Variants in NFXL1 observed in about 807,000 individuals in gnomAD.
NFXL1 encodes NF-X1-type zinc finger protein NFXL1.
NFXL1 carries 66 observed loss-of-function variants against 123.3 expected under a neutral mutation model. The ratio of observed to expected loss-of-function variants is 0.54; its 90% CI spans 0.44 to 0.66. NFXL1 has a LOEUF of 0.66. Among genes scored for constraint, NFXL1 ranks in the 30% least tolerant of loss-of-function variants. The probability of loss-of-function intolerance (pLI) is 0.00; values close to 1 mark genes in which losing one functional copy is unlikely to be tolerated. For missense variants in NFXL1, 944 were observed against 1,125.6 expected (o/e 0.84, Z 2.31); for synonymous variants, 346 against 360.8 (o/e 0.96, Z 0.46).
intron 14 of NFXL1, 82 bp from the exon 15 acceptor site, chr4:47,884,519 T>C: frequency 7.4e-6 from 6 of 808,796 alleles, no homozygotes; most frequent in South Asian, 1.6e-5. Flanking sequence ...AATAGTTCCA[T>C]GTATCCTCTG....
At chr4:47,895,574 A>C (rs1464644073) in intron 10 of NFXL1, among the ~76,000 whole-genome samples, 1 of 152,176 alleles carries the variant, frequency 6.6e-6, no homozygotes, top group Non-Finnish European at 1.5e-5. Flanking sequence ...CTAGTTTCAA[A>C]CTTTTCTTGT....
chr4:47,856,304 T>C (rs753876444), intron 19 of NFXL1, among the ~76,000 whole-genome samples: 24 of 152,182 alleles, frequency 1.6e-4, no homozygotes, highest in African/African-American at 5.1e-4. Flanking sequence ...TATTTAGTTA[T>C]TATAATAAAA....
At position 47,847,829 on chromosome 4, in the gene NFXL1, A is replaced by T. The variant is rs1733897566; in HGVS notation, c.*334T>A. On this transcript the variant is annotated 3_prime_UTR_variant, in exon 23 of 23. Transcript: ENST00000507489. ...TGCAGATATGGCTCAGTCTCATCTGAATTATTTTTTTAAAAGTGTTGGTTT... is the reference window on the plus strand; with the variant it reads ...TGCAGATATGGCTCAGTCTCATCTGTATTATTTTTTTAAAAGTGTTGGTTT... The T allele has an allele frequency of 1.2e-5, 2 of 169,628 alleles. No homozygotes were observed. The highest frequency in any genetic ancestry group is 4.7e-5 in the African/African-American group (2 of 42,230). 10.5% of individuals were successfully genotyped at this position (169,628 alleles called of 1,614,324 possible). A position where few individuals can be genotyped will look rare whatever the true frequency, so the allele number is the denominator to read the frequency against.
chr4:47,909,909 C>A (rs1737743329), intron 3 of NFXL1, among the ~76,000 whole-genome samples: 1 of 152,118 alleles, frequency 6.6e-6, no homozygotes, highest in Non-Finnish European at 1.5e-5. Context: ...GATCCCCCGG[C>A]CTCGGCCTCC....
In NFXL1 at chr4:47,885,816, A is replaced by T. The variant is rs191668206; in HGVS notation, c.1664+63T>A. ...ACTAAAGCAAAATTAAATTATTAAA[A>T]GCCAATATGAATTTAAATTTGTACA... is the stretch of plus-strand genomic sequence containing the variant. On this transcript the variant is annotated intron_variant, in intron 13 of 22. Transcript: ENST00000507489. 4.8e-5 allele frequency: 74 copies of T among 1,552,210 alleles called. No homozygotes were observed. The African/African-American group carries it at 8.8e-4, about 19-fold the overall frequency.
intron 22 of NFXL1, among the ~76,000 whole-genome samples, chr4:47,850,531 T>C (rs570816508): frequency 6.6e-6 from 1 of 152,192 alleles, no homozygotes; most frequent in South Asian, 2.1e-4. Flanking sequence ...AAGTGTATGA[T>C]CAATAAAGTA....
intron 10 of NFXL1, among the ~76,000 whole-genome samples, 184 bp downstream of exon 10, chr4:47,896,339 T>C (rs61675158): frequency 0.011 from 1,673 of 152,306 alleles, 39 homozygotes; most frequent in African/African-American, 0.039. Flanking sequence ...TAAAGTGAAA[T>C]GCAATAAAAC....
Position 47,875,636 on chromosome 4 carries a change from T to C in NFXL1, c.2080-343A>G, listed in dbSNP as rs185943449. Among the ~76,000 whole-genome samples the C allele has an allele frequency of 3.9e-5, 6 of 152,220 alleles. No individual in the cohort carries two copies. The East Asian group carries it at 9.6e-4, about 24-fold the overall frequency. On this transcript the variant is annotated intron_variant, in intron 17 of 22. Transcript: ENST00000507489. ...AGAATCGTCAAAGACAGAAATAAAA[T>C]ATACAGAGTAAGAATGTTCATTCAT...
At chr4:47,859,586 T>C (rs1396622000) in intron 19 of NFXL1, among the ~76,000 whole-genome samples, 2 of 152,124 alleles carry the variant, frequency 1.3e-5, no homozygotes, top group African/African-American at 2.4e-5. Context: ...CTCACGCCTG[T>C]AATCCCAGCA....
chr4:47,859,948 G>T (rs891544757), intron 19 of NFXL1, among the ~76,000 whole-genome samples: 3 of 151,008 alleles, frequency 2.0e-5, no homozygotes, highest in Non-Finnish European at 2.9e-5. Context: ...TCGTAGAAGT[G>T]AAAGAGCAGA....
intron 18 of NFXL1, among the ~76,000 whole-genome samples, chr4:47,871,725 A>C (rs1735449707): frequency 6.6e-6 from 1 of 152,214 alleles, no homozygotes; most frequent in Non-Finnish European, 1.5e-5. Flanking sequence ...AAAAATTATA[A>C]TACTTTATTT....
chr4:47,895,683 T>C (rs1041207184), intron 10 of NFXL1, among the ~76,000 whole-genome samples: 1 of 152,200 alleles, frequency 6.6e-6, no homozygotes, highest in Non-Finnish European at 1.5e-5. Context: ...TTGATCTTGT[T>C]TGCAGACCTC....
chr4:47,894,480 T>C (rs1267703821), intron 10 of NFXL1, among the ~76,000 whole-genome samples, 178 bp from the exon 11 acceptor site: 1 of 152,050 alleles, frequency 6.6e-6, no homozygotes, highest in Admixed American at 6.6e-5. Context: ...TCTTACTTTG[T>C]TCCAAAAAGG....
At chr4:47,850,355 G>T (rs1734054220) in intron 22 of NFXL1, among the ~76,000 whole-genome samples, 1 of 152,036 alleles carries the variant, frequency 6.6e-6, no homozygotes, top group African/African-American at 2.4e-5. Flanking sequence ...ATCAAAGTTT[G>T]AATTTCCTTA....
chr4:47,881,256 T>G, intron 15 of NFXL1, among the ~76,000 whole-genome samples: 1 of 152,178 alleles, frequency 6.6e-6, no homozygotes, highest in South Asian at 2.1e-4. Context: ...CTAATTGCCC[T>G]GATCTGATCA....
intron 3 of NFXL1, among the ~76,000 whole-genome samples, chr4:47,908,011 C>A (rs1265773749): frequency 2.6e-5 from 4 of 152,162 alleles, no homozygotes; most frequent in African/African-American, 9.7e-5. Context: ...TCCTTAGAAA[C>A]CTACTTGATG....
chr4:47,862,053 T>G (rs1460349092), intron 19 of NFXL1, among the ~76,000 whole-genome samples: 1 of 152,196 alleles, frequency 6.6e-6, no homozygotes, highest in African/African-American at 2.4e-5. Flanking sequence ...TCTACCCAAA[T>G]CAAGTAATTT....
chr4:47,879,234 G>A (rs1248412732), intron 15 of NFXL1, 117 bp from the exon 16 acceptor site: 6 of 444,554 alleles, frequency 1.3e-5, no homozygotes, highest in Non-Finnish European at 2.4e-5. Flanking sequence ...AGCAATTATA[G>A]TAAAGTTACA....
rs1475155828 is a variant in NFXL1 at position 47,864,591 on chromosome 4, C to T, written c.2247-1676G>A. Among the ~76,000 whole-genome samples, 4 of 152,204 alleles carry T rather than the reference C, an allele frequency of 2.6e-5. No individual in the cohort carries two copies. The East Asian group carries it at 7.7e-4, about 29-fold the overall frequency. On this transcript the variant is annotated intron_variant, in intron 18 of 22. Transcript: ENST00000507489. ...TCGGTCTATAATTACTAGATCACAC[C>T]CTCTGTCCAGTCACACTTCTACATG...
Sources: allele counts gnomAD v4.1 joint callset (sites outside exome capture counted in the v4.1 genomes callset), GRCh38; gene constraint gnomAD v4.1.1; transcripts MANE v1.5; gene names NCBI Gene and HGNC (gene_info 2026-07-23, HGNC 2026-07-21).